Variants in DOCK4 observed in about 807,000 individuals in gnomAD.
The protein encoded by DOCK4 is dedicator of cytokinesis 4.
A neutral mutation model predicts 268.1 loss-of-function variants in DOCK4; 97 were observed. The observed-to-expected ratio is 0.36, with a 90% CI of 0.31 to 0.43. The LOEUF (loss-of-function observed/expected upper bound fraction) is 0.43. Among genes scored for constraint, DOCK4 ranks in the 20% least tolerant of loss-of-function variants. The pLI is 1.00. For synonymous variants in DOCK4, 954 were observed against 887.2 expected (o/e 1.08, Z -1.34); for missense variants, 2,145 against 2,455.7 (o/e 0.87, Z 2.67).
At chr7:112,064,659 C>A (rs1439303527) in intron 1 of DOCK4, among the ~76,000 whole-genome samples, 1 of 149,744 alleles carries the variant, frequency 6.7e-6, no homozygotes, top group Non-Finnish European at 1.5e-5. Flanking sequence ...AAGACAGCAG[C>A]TATTATGGGC....
At position 111,983,835 on chromosome 7, in the gene DOCK4, T is replaced by TACACAC. The variant is rs1203628305; in HGVS notation, c.549+465_549+470dup. Among the ~76,000 whole-genome samples the TACACAC allele has an allele frequency of 1.9e-3, 214 of 113,320 alleles. 2 individuals carry two copies. Among genetic ancestry groups the TACACAC allele is most frequent in the African/African-American group, 7.7e-3 (207 of 26,828 alleles). The allele number at this position is 113,320 out of a possible 152,430, so 74.3% of individuals were successfully genotyped here. A position where few individuals can be genotyped will look rare whatever the true frequency, so the allele number is the denominator to read the frequency against. ...GGTGTATATAGTGCTATTATGTATG[T>TACACAC]ACACACACACGCGCGCGCGCGCGCG... On this transcript the variant is annotated intron_variant, in intron 7 of 52. Transcript: ENST00000428084.
intron 24 of DOCK4, among the ~76,000 whole-genome samples, chr7:111,846,659 C>T (rs1245430461): frequency 1.3e-5 from 2 of 151,824 alleles, no homozygotes; most frequent in African/African-American, 2.4e-5. Flanking sequence ...GGATCAAAAA[C>T]GACTTCATGT....
chr7:111,836,114 T>C (rs1586132723), intron 25 of DOCK4, among the ~76,000 whole-genome samples: 1 of 151,852 alleles, frequency 6.6e-6, no homozygotes, highest in African/African-American at 2.4e-5. Context: ...TGTAAGGTAG[T>C]AACCCAACCC....
intron 1 of DOCK4, among the ~76,000 whole-genome samples, chr7:112,063,602 C>T (rs1260228432): frequency 6.6e-6 from 1 of 152,212 alleles, no homozygotes; most frequent in African/African-American, 2.4e-5. Flanking sequence ...ACAGTTTCTA[C>T]TGAATGCATA....
At chr7:112,197,819 T>C (rs1820586096) in intron 1 of DOCK4, among the ~76,000 whole-genome samples, 1 of 152,028 alleles carries the variant, frequency 6.6e-6, no homozygotes, top group Non-Finnish European at 1.5e-5. Flanking sequence ...AATCACACTC[T>C]TCAGCACAGA....
At chr7:111,732,018 C>T (rs943401567) in intron 52 of DOCK4, among the ~76,000 whole-genome samples, 6 of 152,170 alleles carry the variant, frequency 3.9e-5, no homozygotes, top group African/African-American at 1.4e-4. Flanking sequence ...GGCTAATAAT[C>T]GAAAAACAAA....
chr7:111,889,097 G>T (rs1455600711), intron 16 of DOCK4, among the ~76,000 whole-genome samples: 4 of 152,114 alleles, frequency 2.6e-5, no homozygotes, highest in Non-Finnish European at 4.4e-5. Flanking sequence ...CTAAGTGCTA[G>T]GACTAAGTCT....
intron 7 of DOCK4, among the ~76,000 whole-genome samples, chr7:111,981,779 C>T (rs2135156809): frequency 6.6e-6 from 1 of 152,220 alleles, no homozygotes; most frequent in South Asian, 2.1e-4. Context: ...TGCTGTCTTT[C>T]CCACCAACGG....
intron 35 of DOCK4, among the ~76,000 whole-genome samples, chr7:111,780,821 G>C (rs1798744794): frequency 6.6e-6 from 1 of 152,120 alleles, no homozygotes; most frequent in African/African-American, 2.4e-5. Context: ...GTGGAGTAGA[G>C]GCTAAAAAGA....
chr7:111,839,091 G>A (rs1803467290), intron 25 of DOCK4, among the ~76,000 whole-genome samples: 1 of 152,206 alleles, frequency 6.6e-6, no homozygotes, highest in Non-Finnish European at 1.5e-5. Flanking sequence ...AGACTGGGAT[G>A]TGAACCCAGG....
At chr7:111,822,581 T>C in intron 26 of DOCK4, 125 bp from the exon 27 acceptor site, 5 of 839,436 alleles carry the variant, frequency 6.0e-6, no homozygotes, top group East Asian at 2.8e-5. Context: ...AAGGGAGCCA[T>C]AGTTTAACAG....
chr7:112,206,036 C>T, intron 1 of DOCK4, 66 bp downstream of exon 1: 1 of 1,521,314 alleles, frequency 6.6e-7, no homozygotes, highest in Non-Finnish European at 8.9e-7. Flanking sequence ...GGCGCGGGGG[C>T]AAGGACGAGA....
chr7:111,950,415 C>A (rs1382139747), intron 8 of DOCK4, among the ~76,000 whole-genome samples: 1 of 152,194 alleles, frequency 6.6e-6, no homozygotes, highest in Non-Finnish European at 1.5e-5. Flanking sequence ...GATATGCATA[C>A]CTCCATTACA....
Position 111,788,690 on chromosome 7 carries a change from C to T in DOCK4, c.3373G>A (p.Glu1125Lys), listed in dbSNP as rs1429913463. 1.3e-6 allele frequency: 2 copies of T among 1,591,690 alleles called. No individual in the cohort carries two copies. Among genetic ancestry groups the T allele is most frequent in the South Asian group, 1.1e-5 (1 of 87,490 alleles). ...CTGTTGAAGAGCTCGCGGTATGTTT[C>T]GTCACCTTTGCCTTCTGACATCAGG... ...DSLMSEGKGD[E>K]TYRELFNSII... Residue 1125 changes from glutamate (E) to lysine (K), a missense_variant, in exon 32 of 53, where the codon GAA becomes AAA. By Grantham distance (56) the Glu-to-Lys change is moderately conservative (BLOSUM62 1). Coordinates refer to ENST00000428084, the MANE Select transcript of DOCK4 (RefSeq NM_001363540.2).
At position 111,765,242 on chromosome 7, in the gene DOCK4, T is replaced by C; in HGVS notation, c.3916-20A>G. ...CATCATCTAGAAAGCACAGGAAACA[T>C]TCTAAGCATTTTATCTCATCTTTCG... On this transcript the variant is annotated intron_variant, in intron 38 of 52. Coordinates refer to ENST00000428084, the MANE Select transcript of DOCK4 (RefSeq NM_001363540.2). The C allele has an allele frequency of 7.3e-7, 1 of 1,366,924 alleles. No individual in the cohort carries two copies. Among genetic ancestry groups the C allele is most frequent in the Admixed American group, 2.4e-5 (1 of 40,878 alleles). 84.7% of individuals were successfully genotyped at this position (1,366,924 alleles called of 1,614,324 possible).
intron 1 of DOCK4, among the ~76,000 whole-genome samples, chr7:112,196,580 C>T (rs1484603539): frequency 2.0e-5 from 3 of 152,132 alleles, no homozygotes; most frequent in Non-Finnish European, 2.9e-5. Flanking sequence ...ATTACAGATG[C>T]TTCCGGCAGT....
Position 111,728,332 on chromosome 7 carries a change from C to T in DOCK4, c.5870G>A (p.Arg1957Gln), listed in dbSNP as rs771643939. The part of the protein sequence containing the change: ...ARSSHLENGA[R>Q]RTDPGPRPRP... ...GGGCCGCGGGCCGGGGTCAGTCCTC[C>T]GGGCCCCATTCTCCAGGTGGCTGGA... is the stretch of plus-strand genomic sequence containing the variant. Residue 1957 changes from arginine (R) to glutamine (Q), a missense_variant, in exon 53 of 53, where the codon CGG (arginine) becomes CAG (glutamine). Arg to Gln is a conservative substitution (Grantham distance 43). Transcript: ENST00000428084. 3.8e-5 allele frequency: 58 copies of T among 1,518,418 alleles called. No homozygotes were observed. The highest frequency in any genetic ancestry group is 4.8e-5 in the Non-Finnish European group (54 of 1,135,714). The allele number at this position is 1,518,418 out of a possible 1,614,324, so 94.1% of individuals were successfully genotyped here. A position where few individuals can be genotyped will look rare whatever the true frequency, so the allele number is the denominator to read the frequency against.
intron 1 of DOCK4, among the ~76,000 whole-genome samples, chr7:112,108,475 CAA>C (rs1340255530): frequency 6.6e-6 from 1 of 152,172 alleles, no homozygotes; most frequent in African/African-American, 2.4e-5. Context: ...AATGAATAAA[CAA>C]GAGAGTGTAA....
chr7:112,088,380 AT>A (rs746519225), intron 1 of DOCK4, among the ~76,000 whole-genome samples: 1 of 152,172 alleles, frequency 6.6e-6, no homozygotes, highest in Non-Finnish European at 1.5e-5. Context: ...AGATAAAAAA[AT>A]GTATCTCCTA....
Sources: gnomAD v4.1 joint callset for allele counts (sites outside exome capture counted in the v4.1 genomes callset) on GRCh38, gnomAD v4.1.1 for gene constraint, MANE v1.5 for transcripts, NCBI Gene and HGNC (gene_info 2026-07-23, HGNC 2026-07-21) for gene names.